The following PREX1 variants were observed in gnomAD, a reference collection of about 807,000 sequenced individuals.
The protein encoded by PREX1 is phosphatidylinositol 3,4,5-trisphosphate-dependent Rac exchanger 1 protein.
In PREX1, 41 loss-of-function variants were observed where a neutral mutation model predicts 198.3. The observed-to-expected ratio is 0.21, with a 90% CI of 0.16 to 0.27. PREX1 has a LOEUF of 0.27. Among genes scored for constraint, PREX1 ranks in the 10% least tolerant of loss-of-function variants. The probability of loss-of-function intolerance (pLI) is 1.00; values close to 1 mark genes in which losing one functional copy is unlikely to be tolerated. For synonymous variants in PREX1, 843 were observed against 887.2 expected (o/e 0.95, Z 0.89); for missense variants, 1,620 against 2,200.7 (o/e 0.74, Z 5.28).
chr20:48,796,557 C>T (rs2090363318), intron 1 of PREX1, among the ~76,000 whole-genome samples: 1 of 151,828 alleles, frequency 6.6e-6, no homozygotes, highest in Admixed American at 6.6e-5. Context: ...TTCATTCTAT[C>T]TCACTGTATG....
rs565322195 is a variant in PREX1 at position 48,811,622 on chromosome 20, A to C, written c.219+16020T>G. ...CTCTACTGACAAGACCTGGATACAC[A>C]CCCCCCCACACACACACACACGTAC... On this transcript the variant is annotated intron_variant, in intron 1 of 39. Coordinates refer to ENST00000371941, the MANE Select transcript of PREX1 (RefSeq NM_020820.4). Among the ~76,000 whole-genome samples, 495 of 120,546 alleles carry C rather than the reference A, an allele frequency of 4.1e-3. 6 individuals carry two copies. The highest frequency in any genetic ancestry group is 0.016 in the African/African-American group (391 of 25,096). 79.1% of individuals were successfully genotyped at this position (120,546 alleles called of 152,430 possible). A position where few individuals can be genotyped will look rare whatever the true frequency, so the allele number is the denominator to read the frequency against.
At chr20:48,647,682 T>C (rs964618041) in intron 25 of PREX1, among the ~76,000 whole-genome samples, 1 of 152,186 alleles carries the variant, frequency 6.6e-6, no homozygotes, top group Non-Finnish European at 1.5e-5. Flanking sequence ...TTAAGTGACT[T>C]GCCTAAGTTT....
chr20:48,852,896 T>C, the PREX1 span, among the ~76,000 whole-genome samples: 569 of 152,316 alleles, frequency 3.7e-3, 4 homozygotes, highest in Admixed American at 8.2e-3. Flanking sequence ...CTAGGGCATA[T>C]TATTTTAAAA....
intron 1 of PREX1, among the ~76,000 whole-genome samples, chr20:48,765,146 C>T (rs544087048): frequency 5.9e-5 from 9 of 152,342 alleles, no homozygotes; most frequent in African/African-American, 1.9e-4. Flanking sequence ...CCATGAATCA[C>T]GGCCAAACAC....
the PREX1 span, among the ~76,000 whole-genome samples, chr20:48,870,405 A>G: frequency 6.6e-4 from 101 of 152,332 alleles, 2 homozygotes; most frequent in South Asian, 0.015. Context: ...CAGGACTTGA[A>G]TCTGCACTGT....
intron 1 of PREX1, among the ~76,000 whole-genome samples, chr20:48,753,804 C>T (rs973116623): frequency 6.6e-5 from 10 of 152,148 alleles, no homozygotes; most frequent in Admixed American, 6.5e-4. Context: ...CAGGAGAGGT[C>T]CCTCCTCTCA....
intron 10 of PREX1, among the ~76,000 whole-genome samples, chr20:48,683,232 G>A (rs1056860075): frequency 2.6e-5 from 4 of 152,220 alleles, no homozygotes; most frequent in Non-Finnish European, 5.9e-5. Flanking sequence ...CTCTGGCACT[G>A]ATCAGCAACT....
chr20:48,663,194 G>A (rs988497406), intron 15 of PREX1, among the ~76,000 whole-genome samples: 12 of 152,184 alleles, frequency 7.9e-5, no homozygotes, highest in Non-Finnish European at 1.8e-4. Context: ...GGCCTCCAAT[G>A]GAAAACTGGA....
chr20:48,653,957 A>G (rs530175095), intron 19 of PREX1, among the ~76,000 whole-genome samples: 1 of 152,370 alleles, frequency 6.6e-6, no homozygotes, highest in African/African-American at 2.4e-5. Flanking sequence ...CCCAAACCGT[A>G]GGTCTTGAAC....
chr20:48,874,583 A>G, the PREX1 span, among the ~76,000 whole-genome samples: 4 of 152,210 alleles, frequency 2.6e-5, no homozygotes, highest in African/African-American at 9.6e-5. Flanking sequence ...GTTTAATAAG[A>G]TGGCAGGATG....
At position 48,655,333 on chromosome 20, in the gene PREX1, C is replaced by T; in HGVS notation, c.2166G>A (p.Gln722=). The T allele has an allele frequency of 6.2e-7, 1 of 1,601,256 alleles. No individual in the cohort carries two copies. The highest frequency in any genetic ancestry group is 1.1e-5 in the South Asian group (1 of 89,108). ...CGTACGGTGGGGCAGCTCCACGAAT[C>T]TGGAAGCACAGTGTGTCCGGCTGGT... ...IPDQPDTLCF[Q]IRGAAPPYVY... is the part of the protein sequence containing the mutation. The change falls in exon 19 of 40, where the codon CAG becomes CAA. Residue 722 remains glutamine (Q), a synonymous_variant. Coordinates refer to ENST00000371941, the MANE Select transcript of PREX1 (RefSeq NM_020820.4).
At chr20:48,847,355 CTTCT>C in the PREX1 span, among the ~76,000 whole-genome samples, 1 of 112,056 alleles carries the variant, frequency 8.9e-6, no homozygotes, top group Non-Finnish European at 1.9e-5. Context: ...CTCCCTCTTC[CTTCT>C]CTTATAAAAA....
the PREX1 span, among the ~76,000 whole-genome samples, chr20:48,861,003 C>A: frequency 0.17 from 26,203 of 151,858 alleles, 2,333 homozygotes; most frequent in Non-Finnish European, 0.19. Context: ...GTAGTAAGAA[C>A]AAATAAGATG....
the PREX1 span, among the ~76,000 whole-genome samples, chr20:48,880,544 T>C: frequency 6.6e-6 from 1 of 152,164 alleles, no homozygotes; most frequent in Non-Finnish European, 1.5e-5. Flanking sequence ...CTCCAGCTAT[T>C]GCAGCCACAT....
chr20:48,659,759 C>A (rs145621514), intron 16 of PREX1, among the ~76,000 whole-genome samples, 160 bp downstream of exon 16: 3 of 152,276 alleles, frequency 2.0e-5, no homozygotes, highest in Admixed American at 6.5e-5. Context: ...AGTGATGCAG[C>A]CTGGCTTCTT....
chr20:48,660,213 T>A, intron 15 of PREX1, 152 bp from the exon 16 acceptor site: 1 of 957,294 alleles, frequency 1.0e-6, no homozygotes, highest in Non-Finnish European at 1.6e-6. Flanking sequence ...ATGCCAACAC[T>A]AACATATTAG....
intron 17 of PREX1, among the ~76,000 whole-genome samples, chr20:48,657,433 C>T (rs1190412342): frequency 6.6e-6 from 1 of 152,230 alleles, no homozygotes; most frequent in Admixed American, 6.5e-5. Context: ...AGGGGAAACT[C>T]TGCTGGGGCC....
intron 33 of PREX1, 76 bp from the exon 34 acceptor site, chr20:48,632,715 A>C: frequency 6.5e-7 from 1 of 1,529,378 alleles, no homozygotes; most frequent in Non-Finnish European, 9.0e-7. Flanking sequence ...CCTCTCCAGA[A>C]CAGCTGGCAC....
intron 39 of PREX1, among the ~76,000 whole-genome samples, chr20:48,626,789 A>T (rs1172004100): frequency 6.6e-6 from 1 of 152,256 alleles, no homozygotes; most frequent in Non-Finnish European, 1.5e-5. Flanking sequence ...GGAACTGTGG[A>T]CTATTTTTAC....
Sources: allele counts gnomAD v4.1 joint callset (sites outside exome capture counted in the v4.1 genomes callset), GRCh38; gene constraint gnomAD v4.1.1; transcripts MANE v1.5; gene names NCBI Gene and HGNC (gene_info 2026-07-23, HGNC 2026-07-21).